EPHA5: variants seen among roughly 807,000 people sequenced by gnomAD.
The protein encoded by EPHA5 is EPH receptor A5.
Under a neutral mutation model 105.0 loss-of-function variants are expected in EPHA5, and 60 were observed. The observed-to-expected ratio is 0.57, with a 90% CI of 0.46 to 0.71. The LOEUF is 0.71. Among genes scored for constraint, EPHA5 ranks in the 30% least tolerant of loss-of-function variants. EPHA5 has a pLI of 0.00. For missense variants in EPHA5, 1,218 were observed against 1,274.7 expected, an observed-to-expected ratio of 0.96 and a Z score of 0.68; for synonymous variants, 513 against 449.1, an observed-to-expected ratio of 1.14 and a Z score of -1.80.
intron 8 of EPHA5, among the ~76,000 whole-genome samples, chr4:65,392,826 G>A (rs998757117): frequency 3.3e-5 from 5 of 152,098 alleles, no homozygotes; most frequent in Non-Finnish European, 7.4e-5. Context: ...GGAGATTGAT[G>A]CACAGCTCAT....
intron 5 of EPHA5, among the ~76,000 whole-genome samples, chr4:65,423,671 T>G (rs980311538): frequency 8.2e-6 from 1 of 122,146 alleles, no homozygotes; most frequent in Admixed American, 8.3e-5. Context: ...GTTTGTCTGT[T>G]TTTTTTTTTT....
intron 5 of EPHA5, among the ~76,000 whole-genome samples, chr4:65,483,309 C>T (rs1427984386): frequency 6.6e-6 from 1 of 152,082 alleles, no homozygotes; most frequent in Admixed American, 6.6e-5. Flanking sequence ...TGAATAGTGC[C>T]ACAATAAACA....
rs1467468905 is a variant in EPHA5 at position 65,366,018 on chromosome 4, G to A, written c.1901C>T (p.Thr634Ile). The A allele has an allele frequency of 6.2e-7, 1 of 1,600,312 alleles. No individual in the cohort carries two copies. Among genetic ancestry groups the A allele is most frequent in the Admixed American group, 1.7e-5 (1 of 59,796 alleles). Residue 634 changes from threonine (T) to isoleucine (I), a missense_variant, in exon 10 of 17, where the codon ACC becomes ATC. Around this residue, in one of 3 missense-constraint regions of EPHA5, gnomAD observed 971 missense variants for 1,013.5 expected, o/e 0.96. Coordinates refer to ENST00000613740, the MANE Select transcript of EPHA5 (RefSeq NM_001281766.3). The part of the protein sequence containing the change: ...PGVRTYIDPH[T>I]YEDPNQAVHE... ...GACAGCTTGATTGGGATCCTCATAG[G>A]TATGTGGATCAATGTAAGTTCTTAC...
intron 5 of EPHA5, among the ~76,000 whole-genome samples, chr4:65,473,714 T>A (rs10002114): frequency 6.6e-6 from 1 of 151,986 alleles, no homozygotes; most frequent in African/African-American, 2.4e-5. Context: ...GGGACACAGA[T>A]CCAAACCATA....
chr4:65,503,246 C>T (rs181265657), intron 3 of EPHA5, among the ~76,000 whole-genome samples: 1 of 151,944 alleles, frequency 6.6e-6, no homozygotes, highest in East Asian at 1.9e-4. Context: ...ACCAACAAAC[C>T]TGTACATGTA....
chr4:65,329,600 A>G (rs1452732613), intron 16 of EPHA5, among the ~76,000 whole-genome samples: 1 of 151,420 alleles, frequency 6.6e-6, no homozygotes, highest in Admixed American at 6.6e-5. Context: ...TTATGAATGT[A>G]TTCTTCCATT....
At chr4:65,568,252 A>G (rs1578444145) in intron 3 of EPHA5, among the ~76,000 whole-genome samples, 1 of 151,504 alleles carries the variant, frequency 6.6e-6, no homozygotes, top group Non-Finnish European at 1.5e-5. Flanking sequence ...TGTGGTTCCA[A>G]TAATAATTGT....
Position 65,348,131 on chromosome 4 carries a change from C to T in EPHA5, c.2518G>A (p.Val840Ile). ...AFRKFTSASD[V>I]WSYGIVMWEV... ...CACATTACTATTCCATAACTCCAGA[C>T]ATCACTGGCAGAAGTAAACTTTCGG... is the stretch of plus-strand genomic sequence containing the variant. Residue 840 changes from valine (V) to isoleucine (I), a missense_variant, in exon 14 of 17, where the codon GTC becomes ATC. Around this residue, in one of 3 missense-constraint regions of EPHA5, gnomAD observed 971 missense variants for 1,013.5 expected, o/e 0.96. Transcript: ENST00000613740. 1 of 1,613,802 alleles carries T rather than the reference C, an allele frequency of 6.2e-7. No individual in the cohort carries two copies. The highest frequency in any genetic ancestry group is 1.3e-5 in the African/African-American group (1 of 75,036).
Position 65,457,988 on chromosome 4 carries a change from C to A in EPHA5, c.1402+32389G>T, listed in dbSNP as rs376440460. Among the ~76,000 whole-genome samples the A allele has an allele frequency of 3.1e-3, 442 of 144,634 alleles. 3 individuals are homozygous for A. The highest frequency in any genetic ancestry group is 0.011 in the African/African-American group (415 of 39,184). 94.9% of individuals were successfully genotyped at this position (144,634 alleles called of 152,430 possible). On this transcript the variant is annotated intron_variant, in intron 5 of 16. Coordinates refer to ENST00000613740, the MANE Select transcript of EPHA5 (RefSeq NM_001281766.3). Reference sequence around the variant, plus strand: ...ACTCGGGAGGCTGAGGCAGGAGAATCGCTTGAACCCGAGAGGCGGAACTTG... The same window carrying A: ...ACTCGGGAGGCTGAGGCAGGAGAATAGCTTGAACCCGAGAGGCGGAACTTG...
At chr4:65,354,525 T>C (rs1207346102) in intron 11 of EPHA5, among the ~76,000 whole-genome samples, 1 of 151,734 alleles carries the variant, frequency 6.6e-6, no homozygotes, top group Non-Finnish European at 1.5e-5. Context: ...CAGAGACCTA[T>C]GATAATAAAA....
chr4:65,471,969 T>C (rs1317745621), intron 5 of EPHA5, among the ~76,000 whole-genome samples: 1 of 152,052 alleles, frequency 6.6e-6, no homozygotes, highest in Non-Finnish European at 1.5e-5. Context: ...TACACCAAAT[T>C]AACCAGCGAT....
chr4:65,657,477 A>G (rs2149541205), intron 1 of EPHA5, among the ~76,000 whole-genome samples: 1 of 152,326 alleles, frequency 6.6e-6, no homozygotes. Flanking sequence ...CAGCTTGCTA[A>G]TCTCAGTAGA....
rs1731839757 is a variant in EPHA5, at chr4:65,495,504, T to G, written c.950A>C (p.Gln317Pro). 1 of 1,613,720 alleles carries G rather than the reference T, an allele frequency of 6.2e-7. No homozygotes were observed. Among genetic ancestry groups the G allele is most frequent in the Admixed American group, 1.7e-5 (1 of 59,968 alleles). Residue 317 changes from glutamine to proline, a missense_variant, in exon 4 of 17, where the codon CAG becomes CCG. Around this residue, in one of 3 missense-constraint regions of EPHA5, gnomAD observed 971 missense variants for 1,013.5 expected, o/e 0.96. Coordinates refer to ENST00000613740, the MANE Select transcript of EPHA5 (RefSeq NM_001281766.3). ...GTGAGGTGGACATTTGCCGCAGCTC[T>G]GGATGTGAGGTGAGGCTTTGAAGAA... Reference protein sequence around the residue: ...PGFFKASPHIQSCGKCPPHSY... With the variant: ...PGFFKASPHIPSCGKCPPHSY...
chr4:65,447,046 G>A (rs928778302), intron 5 of EPHA5, among the ~76,000 whole-genome samples: 4 of 143,636 alleles, frequency 2.8e-5, no homozygotes, highest in Non-Finnish European at 4.5e-5. Flanking sequence ...GTGTGCAGTA[G>A]CATGATCATA....
intron 13 of EPHA5, among the ~76,000 whole-genome samples, chr4:65,351,015 C>T (rs1722761179): frequency 8.3e-6 from 1 of 120,178 alleles, no homozygotes; most frequent in Non-Finnish European, 1.8e-5. Context: ...TGTGTGTATA[C>T]ACAGACACAT....
intron 8 of EPHA5, chr4:65,376,883 G>T: frequency 1.2e-6 from 1 of 811,916 alleles, no homozygotes; most frequent in Non-Finnish European, 1.8e-6. Context: ...GATTCACCTT[G>T]GGGAGCCAGT....
intron 3 of EPHA5, among the ~76,000 whole-genome samples, chr4:65,575,996 GAGAGAGAAAGAAAGAA>G (rs1279830156): frequency 7.7e-4 from 49 of 63,402 alleles, no homozygotes; most frequent in Admixed American, 1.3e-3. Flanking sequence ...GAGAGAGAGA[GAGAGAGAAAGAAAGAA>G]AGAAAGAAAG....
chr4:65,339,761 A>C (rs568292174), intron 14 of EPHA5, among the ~76,000 whole-genome samples: 34 of 152,174 alleles, frequency 2.2e-4, no homozygotes, highest in Admixed American at 3.3e-4. Flanking sequence ...TGGCCAGGAC[A>C]CCATCCCTTT....
At chr4:65,332,621 G>T (rs1057081507) in intron 15 of EPHA5, among the ~76,000 whole-genome samples, 1 of 151,502 alleles carries the variant, frequency 6.6e-6, no homozygotes, top group East Asian at 2.0e-4. Context: ...GGGGTGGTGG[G>T]GGGTGGGGGA....
Sources: gnomAD v4.1 joint callset for allele counts (sites outside exome capture counted in the v4.1 genomes callset) on GRCh38, gnomAD v4.1.1 for gene constraint, gnomAD v4.1.1 regional missense constraint, MANE v1.5 for transcripts, NCBI Gene and HGNC (gene_info 2026-07-23, HGNC 2026-07-21) for gene names.